Variants in PCDHA10 observed in about 807,000 individuals in gnomAD.
PCDHA10 encodes the protein protocadherin alpha 10.
PCDHA10 carries 45 observed loss-of-function variants against 61.2 expected under a neutral mutation model. The ratio of observed to expected loss-of-function variants is 0.74; its 90% CI spans 0.58 to 0.94. The LOEUF (loss-of-function observed/expected upper bound fraction) is 0.94. PCDHA10 is among the 40% of genes least tolerant of loss of function. The probability of loss-of-function intolerance (pLI) is 0.00; values close to 1 mark genes in which losing one functional copy is unlikely to be tolerated. For synonymous variants in PCDHA10, 602 were observed against 548.8 expected (o/e 1.10, Z -1.35); for missense variants, 1,278 against 1,236.2 (o/e 1.03, Z -0.51).
chr5:140,877,006 G>T, intron 1 of PCDHA10: 2 of 1,612,484 alleles, frequency 1.2e-6, no homozygotes, highest in Non-Finnish European at 1.7e-6. Context: ...GTCGGTGCAC[G>T]CGGAGAGCGG....
chr5:140,997,864 C>A (rs2097788719), intron 3 of PCDHA10, among the ~76,000 whole-genome samples: 1 of 152,100 alleles, frequency 6.6e-6, no homozygotes, highest in South Asian at 2.1e-4. Context: ...ATTTCTTATG[C>A]ATGCTTGCTA....
chr5:140,892,595 AT>A (rs1385818954), intron 1 of PCDHA10, among the ~76,000 whole-genome samples: 1 of 151,958 alleles, frequency 6.6e-6, no homozygotes, highest in African/African-American at 2.4e-5. Flanking sequence ...TCATTCACCT[AT>A]TTTTTTCCTT....
At chr5:140,912,844 C>T (rs960802369) in intron 1 of PCDHA10, among the ~76,000 whole-genome samples, 16 of 152,150 alleles carry the variant, frequency 1.1e-4, no homozygotes, top group Admixed American at 2.6e-4. Context: ...AATGCTTTTT[C>T]AGCATCAATT....
chr5:140,862,857 T>A (rs782223560), intron 1 of PCDHA10: 4 of 517,166 alleles, frequency 7.7e-6, no homozygotes, highest in Non-Finnish European at 1.5e-5. Flanking sequence ...TGAGCAGCAA[T>A]GTGACGCTGC....
chr5:140,964,238 T>G (rs1354844619), intron 1 of PCDHA10, among the ~76,000 whole-genome samples: 1 of 152,208 alleles, frequency 6.6e-6, no homozygotes, highest in Admixed American at 6.5e-5. Flanking sequence ...AGGCTGATTG[T>G]GTTGGCTTTA....
intron 1 of PCDHA10, among the ~76,000 whole-genome samples, chr5:140,931,907 G>T (rs573618162): frequency 6.6e-6 from 1 of 151,782 alleles, no homozygotes; most frequent in Non-Finnish European, 1.5e-5. Flanking sequence ...CATTTGAAAA[G>T]CATGACATTT....
At chr5:140,925,052 A>G (rs1221049582) in intron 1 of PCDHA10, among the ~76,000 whole-genome samples, 1 of 151,720 alleles carries the variant, frequency 6.6e-6, no homozygotes, top group African/African-American at 2.4e-5. Context: ...TTGAGACCAG[A>G]CTGGGCAACA....
chr5:141,000,112 C>T (rs1404445521), intron 3 of PCDHA10, among the ~76,000 whole-genome samples: 1 of 152,128 alleles, frequency 6.6e-6, no homozygotes. Flanking sequence ...CGTCTCTTCC[C>T]TCATCCCCAA....
chr5:140,877,308 A>C lies in PCDHA10; in HGVS notation c.2388+18872A>C, dbSNP rs2057012120. ...ACGCTTGGCTGTCCTACGAGTTGCAACCGGCGGCGGTCGGCGCGCACATCC... is the reference window on the plus strand; with the variant it reads ...ACGCTTGGCTGTCCTACGAGTTGCACCCGGCGGCGGTCGGCGCGCACATCC... On this transcript the variant is annotated intron_variant, in intron 1 of 3. Coordinates refer to ENST00000307360, the MANE Select transcript of PCDHA10 (RefSeq NM_018901.4). The C allele has an allele frequency of 1.9e-6, 3 of 1,613,898 alleles. No individual in the cohort carries two copies. In the East Asian group the frequency reaches 6.7e-5, roughly 36 times the overall value.
intron 3 of PCDHA10, among the ~76,000 whole-genome samples, chr5:140,994,539 CA>C (rs35651294): frequency 0.48 from 72,467 of 151,372 alleles, 18,531 homozygotes; most frequent in African/African-American, 0.67. Flanking sequence ...CCCATCTCTA[CA>C]AAAAAAATAT....
At chr5:140,917,330 AG>A (rs1425400137) in intron 1 of PCDHA10, among the ~76,000 whole-genome samples, 1,705 of 103,254 alleles carry the variant, frequency 0.017, 125 homozygotes, top group African/African-American at 0.055. Context: ...GTGGCGGGGG[AG>A]GGGGGGGATG....
At position 140,876,586 on chromosome 5, in the gene PCDHA10, A is replaced by C. The variant is rs782256478; in HGVS notation, c.2388+18150A>C. 3 of 1,614,148 alleles carry C rather than the reference A, an allele frequency of 1.9e-6. No individual in the cohort carries two copies. The South Asian group carries it at 3.3e-5, about 18-fold the overall frequency. On this transcript the variant is annotated intron_variant, in intron 1 of 3. Transcript: ENST00000307360. Reference sequence around the variant, plus strand: ...TCAGGTGGGTACCGTCATTGCCCTGATTAGCGTGTCGGATCGTGACTCTGG... The same window carrying C: ...TCAGGTGGGTACCGTCATTGCCCTGCTTAGCGTGTCGGATCGTGACTCTGG...
intron 1 of PCDHA10, chr5:140,883,378 C>G (rs782530143): frequency 6.2e-7 from 1 of 1,614,146 alleles, no homozygotes; most frequent in Non-Finnish European, 8.5e-7. Context: ...CCATTATTGC[C>G]CTAATCAGTG....
intron 1 of PCDHA10, among the ~76,000 whole-genome samples, chr5:140,937,574 G>C (rs1320452651): frequency 1.3e-5 from 2 of 151,732 alleles, no homozygotes; most frequent in African/African-American, 4.9e-5. Context: ...CTGGGATCGC[G>C]TCACTGCACT....
At chr5:140,883,912 C>A in intron 1 of PCDHA10, 1 of 1,613,300 alleles carries the variant, frequency 6.2e-7, no homozygotes, top group South Asian at 1.1e-5. Context: ...TGGGCAGCAA[C>A]GTGACGCTGC....
intron 3 of PCDHA10, among the ~76,000 whole-genome samples, chr5:141,001,942 TAAG>T (rs140166770): frequency 0.017 from 2,515 of 151,936 alleles, 63 homozygotes; most frequent in African/African-American, 0.058. Context: ...TGAGCGGAAA[TAAG>T]GAGGAGGGAG....
intron 1 of PCDHA10, among the ~76,000 whole-genome samples, chr5:140,977,937 T>C (rs1264352481): frequency 5.3e-5 from 8 of 152,162 alleles, no homozygotes; most frequent in African/African-American, 1.9e-4. Flanking sequence ...TATACCTCAA[T>C]ATTCAGTGAC....
intron 1 of PCDHA10, among the ~76,000 whole-genome samples, chr5:140,973,299 T>C (rs1191449890): frequency 1.3e-5 from 2 of 152,198 alleles, no homozygotes; most frequent in African/African-American, 4.8e-5. Flanking sequence ...TTCTATCTGA[T>C]GACTCTATCC....
intron 3 of PCDHA10, among the ~76,000 whole-genome samples, chr5:140,985,779 G>A (rs2097170620): frequency 7.9e-6 from 1 of 126,148 alleles, no homozygotes; most frequent in Non-Finnish European, 1.6e-5. Flanking sequence ...TCGCTCTGTC[G>A]CCCAGGCTGG....
Sources: gnomAD v4.1 joint callset for allele counts (sites outside exome capture counted in the v4.1 genomes callset) on GRCh38, gnomAD v4.1.1 for gene constraint, MANE v1.5 for transcripts, NCBI Gene and HGNC (gene_info 2026-07-23, HGNC 2026-07-21) for gene names.